RBMS3: variants seen among roughly 807,000 people sequenced by gnomAD.
The protein encoded by RBMS3 is RNA binding motif single stranded interacting protein 3, also known as RNA-binding motif, single-stranded-interacting protein 3.
Under a neutral mutation model 66.8 loss-of-function variants are expected in RBMS3, and 27 were observed. The ratio of observed to expected loss-of-function variants is 0.40; its 90% confidence interval spans 0.30 to 0.56. The LOEUF is 0.56. Ranked by LOEUF, RBMS3 falls within the 20% of genes least tolerant of loss-of-function variation. RBMS3 has a pLI of 0.40. For synonymous variants in RBMS3, 188 were observed against 183.0 expected (o/e 1.03, Z -0.22); for missense variants, 513 against 549.5 (o/e 0.93, Z 0.66).
intron 10 of RBMS3, among the ~76,000 whole-genome samples, chr3:29,905,634 C>G: frequency 6.6e-6 from 1 of 152,064 alleles, no homozygotes; most frequent in Non-Finnish European, 1.5e-5. Flanking sequence ...ATTTTGACTA[C>G]TATAACTGAC....
At chr3:29,737,733 C>G (rs766224939) in intron 4 of RBMS3, among the ~76,000 whole-genome samples, 1 of 151,548 alleles carries the variant, frequency 6.6e-6, no homozygotes, top group Non-Finnish European at 1.5e-5. Context: ...AAAACAAGAT[C>G]AAAACCATTT....
At chr3:29,578,582 A>G (rs1190972951) in intron 3 of RBMS3, among the ~76,000 whole-genome samples, 1 of 152,006 alleles carries the variant, frequency 6.6e-6, no homozygotes, top group Non-Finnish European at 1.5e-5. Flanking sequence ...AGTATAAATT[A>G]GGAAGTGCAC....
intron 4 of RBMS3, among the ~76,000 whole-genome samples, chr3:29,734,158 C>G (rs2054269281): frequency 6.6e-6 from 1 of 151,964 alleles, no homozygotes; most frequent in African/African-American, 2.4e-5. Context: ...AAGATAAATA[C>G]CACATGTTCT....
rs1472834570 is a variant in RBMS3, at chr3:29,666,853, T to G, written c.400-72867T>G. Among the ~76,000 whole-genome samples the G allele has an allele frequency of 3.3e-5, 5 of 152,196 alleles. No individual in the cohort carries two copies. The East Asian group carries it at 9.6e-4, about 29-fold the overall frequency. On this transcript the variant is annotated intron_variant, in intron 4 of 14. Coordinates refer to ENST00000383767, the MANE Select transcript of RBMS3 (RefSeq NM_001003793.3). The stretch of plus-strand genomic sequence containing the variant: ...ATGGGAATGAGCTTATCACAGTTGT[T>G]AATGAGTAGCCTTCAATTTGTTAGC...
At chr3:29,687,452 G>A (rs774593935) in intron 4 of RBMS3, among the ~76,000 whole-genome samples, 1 of 152,264 alleles carries the variant, frequency 6.6e-6, no homozygotes, top group Non-Finnish European at 1.5e-5. Context: ...ATTATCTACA[G>A]GATTTCTTTT....
At chr3:29,315,652 G>A (rs1294812621) in intron 1 of RBMS3, among the ~76,000 whole-genome samples, 1 of 151,728 alleles carries the variant, frequency 6.6e-6, no homozygotes, top group Non-Finnish European at 1.5e-5. Flanking sequence ...GAGTCACGAT[G>A]TACTGTTAAA....
chr3:29,611,379 G>A (rs1032060652), intron 4 of RBMS3, among the ~76,000 whole-genome samples: 2 of 151,988 alleles, frequency 1.3e-5, no homozygotes, highest in African/African-American at 2.4e-5. Context: ...GTCATTTAGA[G>A]GTCCCTGTTG....
chr3:29,427,716 A>G (rs578059729), intron 1 of RBMS3, among the ~76,000 whole-genome samples: 2 of 152,258 alleles, frequency 1.3e-5, no homozygotes, highest in African/African-American at 2.4e-5. Flanking sequence ...TACAAATTCT[A>G]TTGCATAGGA....
chr3:29,732,008 CCT>C (rs2054158852), intron 4 of RBMS3, among the ~76,000 whole-genome samples: 1 of 151,776 alleles, frequency 6.6e-6, no homozygotes, highest in Admixed American at 6.6e-5. Flanking sequence ...TTTTTCTCTC[CCT>C]CTCTCCCTCC....
At chr3:29,894,746 T>G (rs1377622810) in intron 8 of RBMS3, among the ~76,000 whole-genome samples, 1 of 151,472 alleles carries the variant, frequency 6.6e-6, no homozygotes, top group Non-Finnish European at 1.5e-5. Context: ...ACTATACAAA[T>G]ATATCAAGAG....
chr3:29,844,053 T>A (rs910964822), intron 6 of RBMS3, among the ~76,000 whole-genome samples: 1 of 152,218 alleles, frequency 6.6e-6, no homozygotes, highest in African/African-American at 2.4e-5. Context: ...TTCTACATTT[T>A]TTCTTTGGTT....
chr3:29,634,069 T>C (rs541529610), intron 4 of RBMS3, among the ~76,000 whole-genome samples: 2 of 152,000 alleles, frequency 1.3e-5, no homozygotes, highest in Admixed American at 1.3e-4. Flanking sequence ...TAACTAAAAA[T>C]AAATAATCTG....
intron 5 of RBMS3, among the ~76,000 whole-genome samples, chr3:29,759,047 G>T (rs1030714955): frequency 2.6e-5 from 4 of 152,140 alleles, no homozygotes; most frequent in African/African-American, 7.2e-5. Flanking sequence ...CTCTATGGAG[G>T]TGACAGAGGT....
intron 4 of RBMS3, among the ~76,000 whole-genome samples, chr3:29,726,387 G>T (rs906649861): frequency 1.3e-5 from 2 of 152,074 alleles, no homozygotes; most frequent in Admixed American, 6.6e-5. Context: ...AGAAATAAAG[G>T]GTATTCAAAT....
chr3:29,662,983 C>T (rs188256367), intron 4 of RBMS3, among the ~76,000 whole-genome samples: 1 of 152,120 alleles, frequency 6.6e-6, no homozygotes, highest in African/African-American at 2.4e-5. Flanking sequence ...AGAGGGAAGA[C>T]AGTAGAATCC....
At chr3:29,632,709 A>G (rs2049328271) in intron 4 of RBMS3, among the ~76,000 whole-genome samples, 1 of 151,902 alleles carries the variant, frequency 6.6e-6, no homozygotes, top group African/African-American at 2.4e-5. Context: ...AAGAACACCA[A>G]AAGGTAACTT....
chr3:29,340,556 G>A (rs1232192803), intron 1 of RBMS3, among the ~76,000 whole-genome samples: 1 of 152,134 alleles, frequency 6.6e-6, no homozygotes, highest in Non-Finnish European at 1.5e-5. Flanking sequence ...TATAGCGTCA[G>A]TTCCAAGTTT....
intron 4 of RBMS3, among the ~76,000 whole-genome samples, chr3:29,606,282 T>C (rs906753197): frequency 2.6e-5 from 4 of 151,992 alleles, no homozygotes; most frequent in African/African-American, 9.7e-5. Flanking sequence ...ATTTGGAACC[T>C]GATTCCCATC....
chr3:29,689,089 A>G (rs1388712323), intron 4 of RBMS3, among the ~76,000 whole-genome samples: 2 of 151,806 alleles, frequency 1.3e-5, no homozygotes, highest in Non-Finnish European at 2.9e-5. Flanking sequence ...ATTTCTATAT[A>G]CCTATATAGA....
Sources: allele counts gnomAD v4.1 joint callset (sites outside exome capture counted in the v4.1 genomes callset), GRCh38; gene constraint gnomAD v4.1.1; transcripts MANE v1.5; gene names NCBI Gene and HGNC (gene_info 2026-07-23, HGNC 2026-07-21).